The following FRMD4B variants were observed in gnomAD, a reference collection of about 807,000 sequenced individuals.
FRMD4B encodes the protein FERM domain-containing protein 4B.
In FRMD4B, 74 loss-of-function variants were observed where a neutral mutation model predicts 141.5. The ratio of observed to expected loss-of-function variants is 0.52; its 90% CI spans 0.43 to 0.63. The LOEUF is 0.63. Among genes scored for constraint, FRMD4B ranks in the 30% least tolerant of loss-of-function variants. The pLI is 0.00. For missense variants in FRMD4B, 1,366 were observed against 1,253.4 expected, an observed-to-expected ratio of 1.09 and a Z score of -1.36; for synonymous variants, 506 against 467.9, an observed-to-expected ratio of 1.08 and a Z score of -1.05.
chr3:69,347,408 C>T (rs6549204), intron 1 of FRMD4B, among the ~76,000 whole-genome samples: 25,351 of 152,112 alleles, frequency 0.17, 2,914 homozygotes, highest in African/African-American at 0.32. Flanking sequence ...CCACTGTCAA[C>T]ATCAGACAGA....
chr3:69,531,831 T>C (rs917072273), intron 1 of FRMD4B, among the ~76,000 whole-genome samples: 1 of 152,248 alleles, frequency 6.6e-6, no homozygotes, highest in Non-Finnish European at 1.5e-5. Context: ...TTAAAGCAGC[T>C]GAATCATTGC....
intron 4 of FRMD4B, among the ~76,000 whole-genome samples, chr3:69,299,088 G>T (rs1701126643): frequency 6.6e-6 from 1 of 152,012 alleles, no homozygotes; most frequent in African/African-American, 2.4e-5. Context: ...AGAGATTTTT[G>T]CCTTCTTCAC....
chr3:69,372,127 C>G (rs530306209), intron 1 of FRMD4B, among the ~76,000 whole-genome samples: 66 of 152,278 alleles, frequency 4.3e-4, no homozygotes, highest in Middle Eastern at 3.4e-3. Context: ...CTGCCATTAA[C>G]TCCACTTGGA....
rs553491756 is a variant in FRMD4B, at chr3:69,331,906, G to A, written c.163-18389C>T. 6.9e-4 allele frequency among the ~76,000 whole-genome samples: 105 copies of A among 152,176 alleles called. 1 individual carries two copies. In the East Asian group the frequency reaches 0.017, roughly 25 times the overall value. ...AGTTCAAGACCAGCCTGGCCAAGAT[G>A]GTGAAACCCTGTCTCTACTAAAAAT... On this transcript the variant is annotated intron_variant, in intron 1 of 22. Transcript: ENST00000398540.
intron 21 of FRMD4B, among the ~76,000 whole-genome samples, chr3:69,177,226 C>A (rs963083224): frequency 1.3e-5 from 2 of 152,102 alleles, no homozygotes; most frequent in African/African-American, 4.8e-5. Context: ...ATAATCCCAG[C>A]CACTCAGGAG....
intron 2 of FRMD4B, among the ~76,000 whole-genome samples, chr3:69,409,726 A>T (rs1704722085): frequency 6.6e-6 from 1 of 152,154 alleles, no homozygotes; most frequent in Admixed American, 6.6e-5. Flanking sequence ...GAAATCTAGG[A>T]TAAAGGTACC....
intron 1 of FRMD4B, among the ~76,000 whole-genome samples, chr3:69,362,591 C>T (rs1271295470): frequency 1.3e-5 from 2 of 152,132 alleles, no homozygotes; most frequent in South Asian, 2.1e-4. Context: ...GCAGGAGAAT[C>T]GCTTGAAACT....
At chr3:69,467,678 T>G (rs1705815649) in intron 1 of FRMD4B, among the ~76,000 whole-genome samples, 1 of 152,202 alleles carries the variant, frequency 6.6e-6, no homozygotes, top group Non-Finnish European at 1.5e-5. Context: ...ATCACAACCA[T>G]AGTGTCTCAG....
chr3:69,209,943 G>A (rs7433337), intron 11 of FRMD4B, among the ~76,000 whole-genome samples: 104,270 of 152,072 alleles, frequency 0.69, 37,283 homozygotes, highest in Non-Finnish European at 0.78. Flanking sequence ...CAAGATAGCT[G>A]TGCTTAAAGA....
At chr3:69,493,092 ATG>A (rs1371183961) in intron 1 of FRMD4B, among the ~76,000 whole-genome samples, 1 of 152,240 alleles carries the variant, frequency 6.6e-6, no homozygotes, top group Non-Finnish European at 1.5e-5. Flanking sequence ...GCAGCCAACA[ATG>A]CACATTCCTT....
intron 2 of FRMD4B, among the ~76,000 whole-genome samples, chr3:69,402,119 T>C (rs1254679574): frequency 6.6e-6 from 1 of 152,150 alleles, no homozygotes; most frequent in African/African-American, 2.4e-5. Context: ...GATTATCCAA[T>C]ATCCGTTCTA....
In FRMD4B at chr3:69,291,910, C is replaced by CTTT. The variant is rs35703345; in HGVS notation, c.417-4077_417-4075dup. On this transcript the variant is annotated intron_variant, in intron 4 of 22. Transcript: ENST00000398540. Reference sequence around the variant, plus strand: ...AATACAAAGTGCTCTACAGGAATCTCTTTTTTTTTTTTTTTTTTTTTTTCC... The same window carrying CTTT: ...AATACAAAGTGCTCTACAGGAATCTCTTTTTTTTTTTTTTTTTTTTTTTTTTCC... 3.9e-3 allele frequency among the ~76,000 whole-genome samples: 407 copies of CTTT among 105,462 alleles called. 5 individuals carry two copies. Among genetic ancestry groups the CTTT allele is most frequent in the African/African-American group, 0.014 (380 of 28,148 alleles). 69.2% of individuals were successfully genotyped at this position (105,462 alleles called of 152,430 possible). A position where few individuals can be genotyped will look rare whatever the true frequency, so the allele number is the denominator to read the frequency against.
At chr3:69,512,642 T>G (rs940395260) in intron 1 of FRMD4B, among the ~76,000 whole-genome samples, 2 of 152,068 alleles carry the variant, frequency 1.3e-5, no homozygotes, top group Non-Finnish European at 2.9e-5. Flanking sequence ...CATTTCCTAG[T>G]CAACGAGAAT....
chr3:69,326,674 T>C (rs1002688864), intron 1 of FRMD4B, among the ~76,000 whole-genome samples: 1 of 152,220 alleles, frequency 6.6e-6, no homozygotes, highest in Non-Finnish European at 1.5e-5. Flanking sequence ...TATAAGGGGC[T>C]AGGCCAAGCT....
chr3:69,182,982 A>C (rs1362007536), intron 19 of FRMD4B, among the ~76,000 whole-genome samples: 1 of 152,224 alleles, frequency 6.6e-6, no homozygotes, highest in Admixed American at 6.5e-5. Context: ...AAAAGACTCA[A>C]AGCAACTAGA....
rs775108225 is a variant in FRMD4B, at chr3:69,224,697, A to G, written c.582-7T>C. On this transcript the variant is annotated splice_region_variant and splice_polypyrimidine_tract_variant and intron_variant, in intron 7 of 22. Coordinates refer to ENST00000398540, the MANE Select transcript of FRMD4B (RefSeq NM_015123.3). The stretch of plus-strand genomic sequence containing the variant: ...TTTCCTGGCATTTTCATCACTAAAA[A>G]GAAATGGAATATGGTAATGTCAGGT... 6.3e-6 allele frequency: 9 copies of G among 1,426,728 alleles called. 1 individual carries two copies. The South Asian group carries it at 9.7e-5, about 15-fold the overall frequency. 88.4% of individuals were successfully genotyped at this position (1,426,728 alleles called of 1,614,324 possible).
At chr3:69,506,075 G>C (rs144023999) in intron 1 of FRMD4B, among the ~76,000 whole-genome samples, 2 of 152,190 alleles carry the variant, frequency 1.3e-5, no homozygotes, top group East Asian at 1.9e-4. Flanking sequence ...TTCACCCCTG[G>C]ACACGCTTCC....
Position 69,335,732 on chromosome 3 carries a change from GTT to G in FRMD4B, c.163-22217_163-22216del, listed in dbSNP as rs34854483. Among the ~76,000 whole-genome samples the G allele has an allele frequency of 1.7e-3, 229 of 137,752 alleles. 1 individual carries two copies. Among genetic ancestry groups the G allele is most frequent in the Non-Finnish European group, 1.9e-3 (120 of 63,538 alleles). The allele number at this position is 137,752 out of a possible 152,430, so 90.4% of individuals were successfully genotyped here. ...TATCTTATCTGCTGGGCAGGACTGA[GTT>G]TTTTTTTTTTTTTTCTTTTGAGACA... On this transcript the variant is annotated intron_variant, in intron 1 of 22. Transcript: ENST00000398540.
intron 1 of FRMD4B, among the ~76,000 whole-genome samples, chr3:69,504,849 G>A (rs1391773): frequency 0.6 from 90,835 of 152,080 alleles, 29,153 homozygotes; most frequent in African/African-American, 0.86. Context: ...TAAACTTTTG[G>A]ATATTAGACA....
Sources: gnomAD v4.1 joint callset for allele counts (sites outside exome capture counted in the v4.1 genomes callset) on GRCh38, gnomAD v4.1.1 for gene constraint, MANE v1.5 for transcripts, NCBI Gene and HGNC (gene_info 2026-07-23, HGNC 2026-07-21) for gene names.